ABCC1: variants seen among roughly 807,000 people sequenced by gnomAD.
ABCC1 encodes multidrug resistance-associated protein 1.
In ABCC1, 83 loss-of-function variants were observed where a neutral mutation model predicts 172.9. The ratio of observed to expected loss-of-function variants is 0.48; its 90% CI spans 0.40 to 0.58. ABCC1 has a LOEUF of 0.58. ABCC1 is among the 20% of genes least tolerant of loss of function. The pLI is 0.00. For missense variants in ABCC1, 1,817 were observed against 2,002.7 expected, an observed-to-expected ratio of 0.91 and a Z score of 1.77; for synonymous variants, 937 against 825.2, an observed-to-expected ratio of 1.14 and a Z score of -2.32.
intron 1 of ABCC1, among the ~76,000 whole-genome samples, chr16:15,995,063 G>T (rs963412276): frequency 6.6e-6 from 1 of 151,514 alleles, no homozygotes; most frequent in African/African-American, 2.4e-5. Flanking sequence ...CTCGGGAGGT[G>T]GAGGTTGCAG....
chr16:16,051,042 C>T (rs1337812965), intron 10 of ABCC1, among the ~76,000 whole-genome samples: 6 of 152,054 alleles, frequency 3.9e-5, no homozygotes, highest in Admixed American at 1.3e-4. Flanking sequence ...GTTTATGAAC[C>T]GTTAAGAAAA....
At chr16:15,959,978 C>T (rs1357324948) in intron 1 of ABCC1, among the ~76,000 whole-genome samples, 1 of 152,168 alleles carries the variant, frequency 6.6e-6, no homozygotes, top group Non-Finnish European at 1.5e-5. Flanking sequence ...TTTTATCTTC[C>T]TCTCTGTGAG....
chr16:16,116,415 C>T (rs2044870011), intron 23 of ABCC1, among the ~76,000 whole-genome samples: 1 of 151,992 alleles, frequency 6.6e-6, no homozygotes, highest in African/African-American at 2.4e-5. Flanking sequence ...TCCTACATAT[C>T]CTGTTTTTTT....
intron 19 of ABCC1, among the ~76,000 whole-genome samples, chr16:16,094,728 G>A (rs2051397729): frequency 6.6e-6 from 1 of 151,416 alleles, no homozygotes; most frequent in East Asian, 1.9e-4. Context: ...TGTTAGTCAG[G>A]ATGGTCTCGA....
chr16:16,003,876 G>A (rs1239814370), intron 1 of ABCC1, among the ~76,000 whole-genome samples: 1 of 139,468 alleles, frequency 7.2e-6, no homozygotes. Context: ...GTGGATGGAT[G>A]AATGAATTGG....
intron 6 of ABCC1, among the ~76,000 whole-genome samples, chr16:16,034,023 C>CTTTTTTTT (rs10580146): frequency 0.042 from 3,618 of 86,678 alleles, 519 homozygotes; most frequent in Non-Finnish European, 0.045. Context: ...TAAGCATCAT[C>CTTTTTTTT]TTTTTTTTTT....
At position 16,138,493 on chromosome 16, in the gene ABCC1, A is replaced by C. The variant is rs1390974186; in HGVS notation, c.4422A>C (p.Thr1474=). 4 of 1,613,202 alleles carry C rather than the reference A, an allele frequency of 2.5e-6. No individual in the cohort carries two copies. Among genetic ancestry groups the C allele is most frequent in the Non-Finnish European group, 2.5e-6 (3 of 1,179,336 alleles). The change falls in exon 30 of 31, where the codon ACA becomes ACC. Residue 1474 remains threonine, a synonymous_variant. Coordinates refer to ENST00000399410, the MANE Select transcript of ABCC1 (RefSeq NM_004996.4). ...TDDLIQSTIR[T]QFEDCTVLTI... is the part of the protein sequence containing the mutation. Reference sequence around the variant, plus strand: ...ACCTCATCCAGTCCACCATCCGGACACAGTTCGAGGACTGCACCGTCCTCA... The same window carrying C: ...ACCTCATCCAGTCCACCATCCGGACCCAGTTCGAGGACTGCACCGTCCTCA...
chr16:15,966,790 A>G (rs533737411), intron 1 of ABCC1, among the ~76,000 whole-genome samples: 3 of 151,826 alleles, frequency 2.0e-5, no homozygotes, highest in Admixed American at 2.0e-4. Flanking sequence ...GTCTTGGATT[A>G]TAGATGCTTG....
In ABCC1 at chr16:16,131,649, C is replaced by G. The variant is rs147183077; in HGVS notation, c.3820-140C>G. 1,387 of 879,360 alleles carry G rather than the reference C, an allele frequency of 1.6e-3. 2 individuals are homozygous for G. The highest frequency in any genetic ancestry group is 2.9e-3 in the Admixed American group (101 of 34,756). 54.5% of individuals were successfully genotyped at this position (879,360 alleles called of 1,614,324 possible). A position where few individuals can be genotyped will look rare whatever the true frequency, so the allele number is the denominator to read the frequency against. ...AGGGGGTCATTTGGGGAATAACATT[C>G]CAGGAAGGGCAACCCCCCAGTGCTG... On this transcript the variant is annotated intron_variant, in intron 26 of 30. Coordinates refer to ENST00000399410, the MANE Select transcript of ABCC1 (RefSeq NM_004996.4).
chr16:16,047,995 G>A (rs1006322380), intron 9 of ABCC1, 147 bp from the exon 10 acceptor site: 2 of 1,045,790 alleles, frequency 1.9e-6, no homozygotes, highest in Non-Finnish European at 2.8e-6. Flanking sequence ...CAGGCGTCCT[G>A]GGCAGACAGA....
rs45588435 is a variant in ABCC1, at chr16:16,046,051, C to G, written c.1218+38C>G. The G allele has an allele frequency of 5.0e-6, 8 of 1,604,980 alleles. No individual in the cohort carries two copies. In the Admixed American group the frequency reaches 1.3e-4, roughly 27 times the overall value. Reference sequence around the variant, plus strand: ...GTGCCATTGGCATGTGGCCCGACTTCCACATCCCCTCCTGCAGCCCTGGGT... The same window carrying G: ...GTGCCATTGGCATGTGGCCCGACTTGCACATCCCCTCCTGCAGCCCTGGGT... On this transcript the variant is annotated intron_variant, in intron 9 of 30. Transcript: ENST00000399410.
chr16:16,043,197 C>T (rs2049047838), intron 7 of ABCC1, among the ~76,000 whole-genome samples: 1 of 138,432 alleles, frequency 7.2e-6, no homozygotes, highest in East Asian at 2.1e-4. Context: ...TAGGGTCTTG[C>T]TGTGTTGCTC....
At chr16:15,970,226 A>G (rs1242007583) in intron 1 of ABCC1, among the ~76,000 whole-genome samples, 1 of 152,106 alleles carries the variant, frequency 6.6e-6, no homozygotes, top group Non-Finnish European at 1.5e-5. Context: ...GGCCCCTCCC[A>G]TCTTGTTGCT....
chr16:16,068,120 G>A (rs541870438), intron 12 of ABCC1, 36 bp from the exon 13 acceptor site: 1 of 1,612,986 alleles, frequency 6.2e-7, no homozygotes, highest in Admixed American at 1.7e-5. Context: ...CTCTCACTCG[G>A]GGCACAGCAG....
At chr16:16,092,941 C>G (rs1278022789) in intron 19 of ABCC1, among the ~76,000 whole-genome samples, 1 of 152,230 alleles carries the variant, frequency 6.6e-6, no homozygotes, top group Non-Finnish European at 1.5e-5. Context: ...GAGCCAAAAT[C>G]ATGCCACTGC....
chr16:16,135,708 G>A (rs1305385037), intron 28 of ABCC1, among the ~76,000 whole-genome samples: 4 of 152,004 alleles, frequency 2.6e-5, no homozygotes, highest in Admixed American at 2.6e-4. Context: ...TGCCTGCCTC[G>A]GCCTCCCATA....
At chr16:16,015,020 A>G (rs1274110552) in intron 4 of ABCC1, among the ~76,000 whole-genome samples, 1 of 150,674 alleles carries the variant, frequency 6.6e-6, no homozygotes, top group African/African-American at 2.5e-5. Flanking sequence ...CCCCTGGGGG[A>G]CCCTAGGCTT....
chr16:16,123,682 C>A (rs1471999635), intron 24 of ABCC1, among the ~76,000 whole-genome samples: 1 of 151,926 alleles, frequency 6.6e-6, no homozygotes, highest in Admixed American at 6.6e-5. Flanking sequence ...TAAAATAGTT[C>A]TGATGGTACA....
At chr16:16,074,376 C>T (rs1596463922) in intron 14 of ABCC1, among the ~76,000 whole-genome samples, 1 of 152,254 alleles carries the variant, frequency 6.6e-6, no homozygotes, top group South Asian at 2.1e-4. Context: ...GTCCCACATC[C>T]CCTCACATCA....
Sources: allele counts gnomAD v4.1 joint callset (sites outside exome capture counted in the v4.1 genomes callset), GRCh38; gene constraint gnomAD v4.1.1; transcripts MANE v1.5; gene names NCBI Gene and HGNC (gene_info 2026-07-23, HGNC 2026-07-21).